The following CACNB2 variants were observed in gnomAD, a reference collection of about 807,000 sequenced individuals.
The protein encoded by CACNB2 is voltage-dependent L-type calcium channel subunit beta-2.
Under a neutral mutation model 73.3 loss-of-function variants are expected in CACNB2, and 42 were observed. That is an observed-to-expected ratio of 0.57 (90% CI 0.45 to 0.74). The LOEUF (loss-of-function observed/expected upper bound fraction) is 0.74. Ranked by LOEUF, CACNB2 falls within the 30% of genes least tolerant of loss-of-function variation. The pLI, the probability that CACNB2 is intolerant of heterozygous loss-of-function variation, is 0.00. For missense variants in CACNB2, 940 were observed against 853.0 expected (o/e 1.10, Z -1.27); for synonymous variants, 348 against 310.3 (o/e 1.12, Z -1.28).
At chr10:18,142,409 A>G (rs1446249597) in intron 1 of CACNB2, among the ~76,000 whole-genome samples, 1 of 152,146 alleles carries the variant, frequency 6.6e-6, no homozygotes, top group Non-Finnish European at 1.5e-5. Flanking sequence ...ATTTTAACCA[A>G]TAGAGTTTGC....
At chr10:18,403,171 A>C (rs1351538068) in intron 3 of CACNB2, among the ~76,000 whole-genome samples, 2 of 152,218 alleles carry the variant, frequency 1.3e-5, no homozygotes, top group African/African-American at 4.8e-5. Context: ...CTTCTCTGAA[A>C]GGCAGTTCAT....
chr10:18,462,906 G>GCA (rs1468166487), intron 3 of CACNB2, among the ~76,000 whole-genome samples: 9 of 151,904 alleles, frequency 5.9e-5, no homozygotes, highest in African/African-American at 2.2e-4. Flanking sequence ...TTACAGGTGT[G>GCA]TGCCACCACG....
chr10:18,287,316 G>A (rs142050049), intron 2 of CACNB2, among the ~76,000 whole-genome samples: 55 of 152,038 alleles, frequency 3.6e-4, no homozygotes, highest in Non-Finnish European at 7.2e-4. Flanking sequence ...TTGACACAGC[G>A]AGACTCTTTC....
chr10:18,329,183 A>G (rs1006192640), intron 2 of CACNB2, among the ~76,000 whole-genome samples: 1 of 152,128 alleles, frequency 6.6e-6, no homozygotes, highest in Non-Finnish European at 1.5e-5. Context: ...TACTCAATGC[A>G]CTCAGATTAA....
chr10:18,289,777 C>A (rs1167161972), intron 2 of CACNB2, among the ~76,000 whole-genome samples: 1 of 152,074 alleles, frequency 6.6e-6, no homozygotes, highest in Non-Finnish European at 1.5e-5. Context: ...GTGTGGCCCC[C>A]TTTAGTTGTT....
At chr10:18,147,613 A>G (rs35769984) in intron 1 of CACNB2, among the ~76,000 whole-genome samples, 11,119 of 152,262 alleles carry the variant, frequency 0.073, 531 homozygotes, top group South Asian at 0.12. Flanking sequence ...TGTTTCAGAT[A>G]TTGGGCGTTC....
chr10:18,428,980 T>C (rs2209587), intron 3 of CACNB2, among the ~76,000 whole-genome samples: 135,592 of 152,196 alleles, frequency 0.89, 60,741 homozygotes, highest in African/African-American at 0.97. Context: ...TCTGTATTTG[T>C]TTACATTTAT....
At chr10:18,270,563 T>C (rs1017217714) in intron 2 of CACNB2, among the ~76,000 whole-genome samples, 5 of 152,200 alleles carry the variant, frequency 3.3e-5, no homozygotes, top group Non-Finnish European at 7.3e-5. Flanking sequence ...ATGAGACACT[T>C]CTTGATCAAG....
At chr10:18,421,182 T>C (rs185592720) in intron 3 of CACNB2, among the ~76,000 whole-genome samples, 39 of 152,240 alleles carry the variant, frequency 2.6e-4, no homozygotes, top group Admixed American at 1.6e-3. Context: ...AGGTACTCAA[T>C]AATCTTAGCC....
intron 3 of CACNB2, among the ~76,000 whole-genome samples, chr10:18,474,118 CAT>C (rs762497801): frequency 6.6e-6 from 1 of 152,138 alleles, no homozygotes; most frequent in Non-Finnish European, 1.5e-5. Flanking sequence ...CTTCTGAAAA[CAT>C]ATAATTATAG....
intron 3 of CACNB2, among the ~76,000 whole-genome samples, chr10:18,424,006 A>C (rs1564532133): frequency 6.6e-6 from 1 of 152,096 alleles, no homozygotes; most frequent in Non-Finnish European, 1.5e-5. Flanking sequence ...AAAATTAAAT[A>C]ATATATAAGA....
At chr10:18,202,457 C>A (rs1269620508) in intron 2 of CACNB2, among the ~76,000 whole-genome samples, 7 of 152,086 alleles carry the variant, frequency 4.6e-5, no homozygotes, top group Non-Finnish European at 1.0e-4. Context: ...ATTTTGGGGT[C>A]AAAAATATCC....
chr10:18,268,082 T>C (rs2037890335), intron 2 of CACNB2, among the ~76,000 whole-genome samples: 1 of 152,256 alleles, frequency 6.6e-6, no homozygotes, highest in South Asian at 2.1e-4. Flanking sequence ...TCCCTCTGCA[T>C]CTGAGTACAA....
chr10:18,542,649 A>C lies in CACNB2; in HGVS notation c.*2925A>C, dbSNP rs1193024646. 1 of 152,212 alleles carries C rather than the reference A, an allele frequency of 6.6e-6. No homozygotes were observed. Among genetic ancestry groups the C allele is most frequent in the African/African-American group, 2.4e-5 (1 of 41,458 alleles). 9.4% of individuals were successfully genotyped at this position (152,212 alleles called of 1,614,324 possible). A position where few individuals can be genotyped will look rare whatever the true frequency, so the allele number is the denominator to read the frequency against. ...GAATATTCCTCAAAGAACTAGCTTGAAGGATTTGACATAAGAGCCGCTATA... is the reference window on the plus strand; with the variant it reads ...GAATATTCCTCAAAGAACTAGCTTGCAGGATTTGACATAAGAGCCGCTATA... On this transcript the variant is annotated 3_prime_UTR_variant, in exon 14 of 14. Transcript: ENST00000324631.
rs77847909 is a variant in CACNB2 at position 18,335,871 on chromosome 10, A to G, written c.214-66053A>G. On this transcript the variant is annotated intron_variant, in intron 2 of 13. Coordinates refer to ENST00000324631, the MANE Select transcript of CACNB2 (RefSeq NM_201596.3). ...AGTAGAAAATTTACAGAAGCTTGGA[A>G]AGGCATTGAAATTCCTATATGTTCC... Among the ~76,000 whole-genome samples, 1,265 of 152,064 alleles carry G rather than the reference A, an allele frequency of 8.3e-3. 21 individuals carry two copies. The highest frequency in any genetic ancestry group is 0.029 in the African/African-American group (1,195 of 41,464).
intron 2 of CACNB2, among the ~76,000 whole-genome samples, chr10:18,277,849 G>A (rs2038367382): frequency 6.6e-6 from 1 of 152,090 alleles, no homozygotes; most frequent in Non-Finnish European, 1.5e-5. Context: ...TTAAAAAATG[G>A]ATTGCTTTTG....
At chr10:18,416,860 A>G (rs946656588) in intron 3 of CACNB2, among the ~76,000 whole-genome samples, 5 of 152,166 alleles carry the variant, frequency 3.3e-5, no homozygotes, top group African/African-American at 9.6e-5. Flanking sequence ...TTTATGGATG[A>G]GCAAACTGAT....
At chr10:18,481,213 T>C (rs2048725115) in intron 3 of CACNB2, among the ~76,000 whole-genome samples, 2 of 12,818 alleles carry the variant, frequency 1.6e-4, no homozygotes, top group Non-Finnish European at 3.0e-4. Flanking sequence ...TATATATATA[T>C]ATATATATAT....
intron 12 of CACNB2, 47 bp downstream of exon 12, chr10:18,536,243 C>CTTTTGTTTT (rs1327787339): frequency 4.0e-6 from 1 of 248,580 alleles, no homozygotes; most frequent in Non-Finnish European, 6.6e-6. Flanking sequence ...GAGATCAGAC[C>CTTTTGTTTT]TTTTTTTTTT....
Sources: allele counts gnomAD v4.1 joint callset (sites outside exome capture counted in the v4.1 genomes callset), GRCh38; gene constraint gnomAD v4.1.1; transcripts MANE v1.5; gene names NCBI Gene and HGNC (gene_info 2026-07-23, HGNC 2026-07-21).